Variants in PRKCE observed in about 807,000 individuals in gnomAD.
The protein encoded by PRKCE is protein kinase C epsilon type.
A neutral mutation model predicts 85.4 loss-of-function variants in PRKCE; 16 were observed. That is an observed-to-expected ratio of 0.19 (90% CI 0.13 to 0.28). The LOEUF (loss-of-function observed/expected upper bound fraction) is 0.28, where lower values mean the gene tolerates loss of function less well. PRKCE is among the 10% of genes least tolerant of loss of function. The pLI, the probability that PRKCE is intolerant of heterozygous loss-of-function variation, is 1.00. For synonymous variants in PRKCE, 388 were observed against 371.5 expected, an observed-to-expected ratio of 1.04 and a Z score of -0.51; for missense variants, 573 against 975.2, an observed-to-expected ratio of 0.59 and a Z score of 5.49.
chr2:46,013,337 T>C (rs2104817541), intron 10 of PRKCE, among the ~76,000 whole-genome samples: 1 of 152,332 alleles, frequency 6.6e-6, no homozygotes, highest in South Asian at 2.1e-4. Flanking sequence ...TCACTGATAA[T>C]AGATTGGGAG....
chr2:45,818,880 T>C (rs1014750284), intron 1 of PRKCE, among the ~76,000 whole-genome samples: 3 of 152,100 alleles, frequency 2.0e-5, no homozygotes, highest in African/African-American at 7.2e-5. Context: ...CTTGCAAGAA[T>C]CCAGGGTGTT....
At chr2:45,948,209 C>A (rs749243487) in intron 2 of PRKCE, among the ~76,000 whole-genome samples, 15 of 152,124 alleles carry the variant, frequency 9.9e-5, no homozygotes, top group Non-Finnish European at 1.6e-4. Flanking sequence ...TAACGTGGCA[C>A]ATGCAAAATA....
intron 2 of PRKCE, among the ~76,000 whole-genome samples, chr2:45,884,995 A>ATTTT (rs1210402363): frequency 5.7e-5 from 4 of 70,242 alleles, no homozygotes; most frequent in African/African-American, 1.5e-4. Flanking sequence ...ATATATATAT[A>ATTTT]TATATATTTG....
At chr2:45,880,583 G>T (rs914149183) in intron 2 of PRKCE, among the ~76,000 whole-genome samples, 5 of 151,686 alleles carry the variant, frequency 3.3e-5, no homozygotes, top group East Asian at 1.9e-4. Context: ...GTATATTTTT[G>T]ATTAAGACAG....
intron 1 of PRKCE, among the ~76,000 whole-genome samples, chr2:45,660,126 C>G (rs556432553): frequency 8.7e-4 from 133 of 152,266 alleles, no homozygotes; most frequent in African/African-American, 2.7e-3. Flanking sequence ...TGGTCTAGCA[C>G]TGTTGGTAGA....
chr2:46,151,919 GT>G (rs142119940), intron 13 of PRKCE, among the ~76,000 whole-genome samples: 5,302 of 152,290 alleles, frequency 0.035, 122 homozygotes, highest in East Asian at 0.082. Context: ...TTTGAAATCC[GT>G]GAAAGCTGAG....
At chr2:45,927,343 G>T (rs1388419037) in intron 2 of PRKCE, among the ~76,000 whole-genome samples, 1 of 152,204 alleles carries the variant, frequency 6.6e-6, no homozygotes, top group Non-Finnish European at 1.5e-5. Context: ...GCCTCAATGT[G>T]CCAGGCTCTG....
chr2:45,955,557 A>T (rs1329074109), intron 2 of PRKCE, among the ~76,000 whole-genome samples: 2 of 152,130 alleles, frequency 1.3e-5, no homozygotes, highest in African/African-American at 4.8e-5. Context: ...GGTGGTACTA[A>T]CCTGTAGTCC....
intron 2 of PRKCE, among the ~76,000 whole-genome samples, chr2:45,865,984 A>AT (rs879687332): frequency 6.6e-6 from 1 of 151,854 alleles, no homozygotes; most frequent in African/African-American, 2.4e-5. Flanking sequence ...CACCCAGCTG[A>AT]TTTATCTTCA....
intron 2 of PRKCE, among the ~76,000 whole-genome samples, chr2:45,892,241 T>C (rs1343145901): frequency 2.6e-5 from 4 of 152,204 alleles, no homozygotes; most frequent in Non-Finnish European, 1.5e-5. Context: ...TGAGCTCCCA[T>C]GGCCCAAGTG....
chr2:45,771,702 CGTGTGTGTGTGTGTGTGT>C (rs61209033), intron 1 of PRKCE, among the ~76,000 whole-genome samples: 4 of 146,880 alleles, frequency 2.7e-5, no homozygotes, highest in Admixed American at 6.7e-5. Flanking sequence ...CAGAGTGGGG[CGTGTGTGTGTGTGTGTGT>C]GTGTGTGTGT....
At chr2:45,660,101 C>A (rs765624692) in intron 1 of PRKCE, among the ~76,000 whole-genome samples, 1 of 152,176 alleles carries the variant, frequency 6.6e-6, no homozygotes, top group Non-Finnish European at 1.5e-5. Flanking sequence ...GTGTGTATTT[C>A]TATAGTACCT....
intron 2 of PRKCE, among the ~76,000 whole-genome samples, chr2:45,922,878 AT>A (rs1327710782): frequency 6.6e-6 from 1 of 152,172 alleles, no homozygotes; most frequent in African/African-American, 2.4e-5. Context: ...TTTATGTTAA[AT>A]CCCTGTAACT....
In PRKCE at chr2:46,159,093, G is replaced by T. The variant is rs1677499472; in HGVS notation, c.1921-513G>T. Among the ~76,000 whole-genome samples the T allele has an allele frequency of 1.3e-5, 2 of 152,230 alleles. No homozygotes were observed. Among genetic ancestry groups the T allele is most frequent in the African/African-American group, 4.8e-5 (2 of 41,458 alleles). On this transcript the variant is annotated intron_variant, in intron 13 of 14. Transcript: ENST00000306156. The surrounding 1 kb of genome is among the most constrained non-coding windows in gnomAD (Gnocchi z 4.1). ...GGGGCTGGGTCCAGGAACAGGAAAG[G>T]AGCTGGAGGAGGCATTAGTACATTT...
At chr2:46,142,038 C>G (rs1003136438) in intron 11 of PRKCE, among the ~76,000 whole-genome samples, 1 of 152,182 alleles carries the variant, frequency 6.6e-6, no homozygotes, top group African/African-American at 2.4e-5. Context: ...GCAGGAGACT[C>G]CTGGGGCAGG....
intron 2 of PRKCE, among the ~76,000 whole-genome samples, chr2:45,920,464 A>T (rs1370041247): frequency 6.6e-6 from 1 of 152,200 alleles, no homozygotes; most frequent in East Asian, 1.9e-4. Context: ...GCATATTCAT[A>T]GCAGTGTTAT....
At chr2:45,739,156 G>A (rs1030063617) in intron 1 of PRKCE, among the ~76,000 whole-genome samples, 1 of 152,174 alleles carries the variant, frequency 6.6e-6, no homozygotes, top group Non-Finnish European at 1.5e-5. Context: ...TAATATTTTA[G>A]GAACCTACAG....
intron 11 of PRKCE, among the ~76,000 whole-genome samples, chr2:46,122,632 A>T (rs1357872970): frequency 6.6e-6 from 1 of 152,172 alleles, no homozygotes; most frequent in African/African-American, 2.4e-5. Flanking sequence ...GGGTTGATAG[A>T]TGAAGTTCCT....
chr2:45,716,227 T>G (rs1028472009), intron 1 of PRKCE, among the ~76,000 whole-genome samples: 1 of 152,234 alleles, frequency 6.6e-6, no homozygotes, highest in African/African-American at 2.4e-5. Flanking sequence ...TATAAAGAAC[T>G]GCCCTGGGGC....
Sources: allele counts gnomAD v4.1 joint callset (sites outside exome capture counted in the v4.1 genomes callset), GRCh38; gene constraint gnomAD v4.1.1; non-coding constraint Gnocchi (gnomAD v3.1); transcripts MANE v1.5; gene names NCBI Gene and HGNC (gene_info 2026-07-23, HGNC 2026-07-21).